The following SPHKAP variants were observed in gnomAD, a reference collection of about 807,000 sequenced individuals.
The protein encoded by SPHKAP is A-kinase anchor protein SPHKAP.
SPHKAP carries 67 observed loss-of-function variants against 137.5 expected under a neutral mutation model. That is an observed-to-expected ratio of 0.49 (90% confidence interval 0.40 to 0.60). SPHKAP has a LOEUF of 0.60. Among genes scored for constraint, SPHKAP ranks in the 20% least tolerant of loss-of-function variants. The probability of loss-of-function intolerance (pLI) is 0.00; values close to 1 mark genes in which losing one functional copy is unlikely to be tolerated. For synonymous variants in SPHKAP, 813 were observed against 785.3 expected (o/e 1.04, Z -0.59); for missense variants, 2,097 against 2,069.3 (o/e 1.01, Z -0.26).
At chr2:228,167,141 G>A (rs1375923973) in intron 1 of SPHKAP, among the ~76,000 whole-genome samples, 1 of 152,070 alleles carries the variant, frequency 6.6e-6, no homozygotes, top group Non-Finnish European at 1.5e-5. Context: ...GTTTGGGTGG[G>A]GACATACATC....
At chr2:228,064,277 G>T (rs1228668374) in intron 3 of SPHKAP, among the ~76,000 whole-genome samples, 1 of 152,108 alleles carries the variant, frequency 6.6e-6, no homozygotes, top group Non-Finnish European at 1.5e-5. Flanking sequence ...ATCACAACCA[G>T]GCAGAAGAAT....
chr2:228,126,737 G>T (rs1386485995), intron 2 of SPHKAP, among the ~76,000 whole-genome samples: 1 of 152,114 alleles, frequency 6.6e-6, no homozygotes, highest in Non-Finnish European at 1.5e-5. Context: ...ATATTGAAGA[G>T]TTCCTCCCTA....
intron 3 of SPHKAP, among the ~76,000 whole-genome samples, chr2:228,105,851 A>T (rs1698329373): frequency 6.6e-6 from 1 of 152,190 alleles, no homozygotes; most frequent in African/African-American, 2.4e-5. Context: ...TGAGTTCATT[A>T]AACCTCTTTT....
chr2:228,103,707 T>G (rs1008407404), intron 3 of SPHKAP, among the ~76,000 whole-genome samples: 2 of 152,168 alleles, frequency 1.3e-5, no homozygotes, highest in South Asian at 2.1e-4. Flanking sequence ...CTTCTGCCAT[T>G]AGCATTTGAT....
At chr2:228,086,621 G>A (rs985905695) in intron 3 of SPHKAP, among the ~76,000 whole-genome samples, 4 of 152,116 alleles carry the variant, frequency 2.6e-5, no homozygotes, top group Non-Finnish European at 4.4e-5. Flanking sequence ...ATTTGCTCGA[G>A]GGAAGAGGTT....
intron 3 of SPHKAP, among the ~76,000 whole-genome samples, chr2:228,037,414 G>A (rs1213692184): frequency 6.6e-6 from 1 of 152,126 alleles, no homozygotes; most frequent in Non-Finnish European, 1.5e-5. Flanking sequence ...ACATATTTTT[G>A]TATTGGAAAC....
chr2:228,067,563 G>T (rs528740440), intron 3 of SPHKAP, among the ~76,000 whole-genome samples: 3 of 152,242 alleles, frequency 2.0e-5, no homozygotes, highest in African/African-American at 7.2e-5. Flanking sequence ...AGGGGCCTCT[G>T]GTTTAGAGCT....
At chr2:228,070,485 C>A (rs1696971993) in intron 3 of SPHKAP, among the ~76,000 whole-genome samples, 1 of 152,046 alleles carries the variant, frequency 6.6e-6, no homozygotes, top group Admixed American at 6.5e-5. Flanking sequence ...ACCAATTCTT[C>A]TTCCACAGTC....
chr2:228,004,143 C>T (rs192063994), intron 7 of SPHKAP, among the ~76,000 whole-genome samples: 11 of 152,306 alleles, frequency 7.2e-5, no homozygotes, highest in Admixed American at 6.5e-4. Context: ...TTGGTACCAG[C>T]TCCTCCTTGT....
At chr2:228,070,635 G>A (rs374745684) in intron 3 of SPHKAP, among the ~76,000 whole-genome samples, 5 of 151,938 alleles carry the variant, frequency 3.3e-5, no homozygotes, top group South Asian at 4.2e-4. Context: ...ATAATACATC[G>A]TCTTTCTCAT....
chr2:228,067,365 GCAAA>G (rs1696860766), intron 3 of SPHKAP, among the ~76,000 whole-genome samples: 1 of 152,110 alleles, frequency 6.6e-6, no homozygotes, highest in African/African-American at 2.4e-5. Flanking sequence ...TCAATATCAA[GCAAA>G]CAGTTTACAA....
intron 1 of SPHKAP, among the ~76,000 whole-genome samples, chr2:228,138,578 G>C (rs1449031798): frequency 6.6e-6 from 1 of 152,012 alleles, no homozygotes; most frequent in African/African-American, 2.4e-5. Context: ...TTATTCTGTA[G>C]GATTTTAGAA....
In SPHKAP at chr2:228,021,826, T is replaced by A. The variant is rs762913645; in HGVS notation, c.582A>T (p.Thr194=). The A allele has an allele frequency of 6.2e-7, 1 of 1,614,184 alleles. No homozygotes were observed. Among genetic ancestry groups the A allele is most frequent in the Non-Finnish European group, 8.5e-7 (1 of 1,180,008 alleles). The change falls in exon 6 of 12, where the codon ACA becomes ACT. Residue 194 remains threonine (T), a synonymous_variant. Transcript: ENST00000392056. ...TGTCATCCTCCAGTTTCAAGATGTTTGTTTCCAGGTGGAGCTGTCGCTCCT... is the reference window on the plus strand; with the variant it reads ...TGTCATCCTCCAGTTTCAAGATGTTAGTTTCCAGGTGGAGCTGTCGCTCCT... ...LVQERQLHLE[T]NILKLEDDTN...
At chr2:228,003,805 C>T (rs1694006288) in intron 7 of SPHKAP, among the ~76,000 whole-genome samples, 1 of 152,156 alleles carries the variant, frequency 6.6e-6, no homozygotes, top group Admixed American at 6.5e-5. Context: ...GACTTTTCTG[C>T]ATTTTTGAGA....
At chr2:228,027,047 C>T (rs6716148) in intron 4 of SPHKAP, among the ~76,000 whole-genome samples, 58,053 of 151,952 alleles carry the variant, frequency 0.38, 11,538 homozygotes, top group South Asian at 0.51. Context: ...TACATCAGGG[C>T]CCTCACTGCC....
intron 3 of SPHKAP, among the ~76,000 whole-genome samples, chr2:228,051,843 A>G (rs1292147047): frequency 6.6e-6 from 1 of 152,168 alleles, no homozygotes; most frequent in Non-Finnish European, 1.5e-5. Flanking sequence ...TTCTTGCTTC[A>G]TCCTCACCTA....
In SPHKAP at chr2:228,108,858, C is replaced by CT. The variant is rs1324816899; in HGVS notation, c.219dup (p.Glu74ArgfsTer5). 1 of 1,610,492 alleles carries CT rather than the reference C, an allele frequency of 6.2e-7. No homozygotes were observed. The highest frequency in any genetic ancestry group is 8.5e-7 in the Non-Finnish European group (1 of 1,179,178). On this transcript the variant is annotated frameshift_variant, in exon 3 of 12. Coordinates refer to ENST00000392056, the MANE Select transcript of SPHKAP (RefSeq NM_001142644.2). LOFTEE classifies it high-confidence loss of function. ...GAAGCACAGTTTTCAGACTTGTCTTCTACAAAACCAATTTGGCAGGGCATC... is the reference window on the plus strand; with the variant it reads ...GAAGCACAGTTTTCAGACTTGTCTTCTTACAAAACCAATTTGGCAGGGCATC...
chr2:228,058,185 A>G (rs1334745008), intron 3 of SPHKAP, among the ~76,000 whole-genome samples: 1 of 152,102 alleles, frequency 6.6e-6, no homozygotes, highest in Non-Finnish European at 1.5e-5. Flanking sequence ...CAGCTACCCC[A>G]TTCTAGCCCA....
At chr2:227,986,595 C>T (rs1215997857) in intron 11 of SPHKAP, among the ~76,000 whole-genome samples, 3 of 152,130 alleles carry the variant, frequency 2.0e-5, no homozygotes, top group Admixed American at 2.0e-4. Context: ...AAAGTCAATA[C>T]CATCAACATT....
Sources: gnomAD v4.1 joint callset for allele counts (sites outside exome capture counted in the v4.1 genomes callset) on GRCh38, gnomAD v4.1.1 for gene constraint, MANE v1.5 for transcripts, NCBI Gene and HGNC (gene_info 2026-07-23, HGNC 2026-07-21) for gene names.